RGS5: variants seen among roughly 807,000 people sequenced by gnomAD.
RGS5 encodes regulator of G-protein signalling 5.
A neutral mutation model predicts 18.9 loss-of-function variants in RGS5; 20 were observed. That is an observed-to-expected ratio of 1.06 (90% CI 0.74 to 1.54). The LOEUF is 1.54. Ranked by LOEUF, RGS5 falls within the 40% of genes most tolerant of loss-of-function variation. The probability of loss-of-function intolerance (pLI) is 0.00; values close to 1 mark genes in which losing one functional copy is unlikely to be tolerated. For synonymous variants in RGS5, 57 were observed against 76.2 expected, an observed-to-expected ratio of 0.75 and a Z score of 1.31; for missense variants, 201 against 211.8, an observed-to-expected ratio of 0.95 and a Z score of 0.32.
chr1:163,215,261 G>T (rs1199060529), intron 1 of RGS5, among the ~76,000 whole-genome samples: 1 of 152,146 alleles, frequency 6.6e-6, no homozygotes, highest in East Asian at 1.9e-4. Flanking sequence ...TATAATGGTA[G>T]AAAGCAAGTG....
intron 2 of RGS5, among the ~76,000 whole-genome samples, chr1:163,226,333 T>C (rs1344640376): frequency 6.6e-6 from 1 of 152,160 alleles, no homozygotes; most frequent in Non-Finnish European, 1.5e-5. Context: ...AAACATAAAA[T>C]TATCACTAGG....
chr1:163,168,313 C>A lies in RGS5; in HGVS notation c.100G>T (p.Gly34Cys), dbSNP rs1300065405. The A allele has an allele frequency of 1.2e-6, 2 of 1,613,854 alleles. No individual in the cohort carries two copies. The highest frequency in any genetic ancestry group is 1.7e-6 in the Non-Finnish European group (2 of 1,179,830). Residue 34 changes from glycine (G) to cysteine (C), a missense_variant, in exon 2 of 5, where the codon GGT becomes TGT. Gly to Cys is a radical substitution (Grantham distance 159). Transcript: ENST00000313961. ...GILLQKPDSV[G>C]DLVIPYNEKP... Reference sequence around the variant, plus strand: ...TCATTGTACGGAATGACAAGGTCACCAACTGAGTCTGGCTTCTGGAGGAGA... The same window carrying A: ...TCATTGTACGGAATGACAAGGTCACAAACTGAGTCTGGCTTCTGGAGGAGA...
chr1:163,253,858 T>A (rs914800687), intron 2 of RGS5, among the ~76,000 whole-genome samples: 2 of 149,574 alleles, frequency 1.3e-5, no homozygotes, highest in African/African-American at 4.9e-5. Flanking sequence ...TGTCCATGTG[T>A]TCTCATTGTT....
rs1649355417 is a variant in RGS5 at position 163,293,864 on chromosome 1, A to G, written c.-281+12369T>C. ...CAAAGGGGCCACAGGCACTTTGTTT[A>G]TAAGTCTGAAACCTGGCAGGGCACT... On this transcript the variant is annotated intron_variant, in intron 2 of 5. Transcript: ENST00000618415. Among the ~76,000 whole-genome samples, 3 of 152,208 alleles carry G rather than the reference A, an allele frequency of 2.0e-5. No homozygotes were observed. In the South Asian group the frequency reaches 6.2e-4, roughly 32 times the overall value.
chr1:163,223,401 T>G (rs974255475), intron 2 of RGS5, among the ~76,000 whole-genome samples: 1 of 151,500 alleles, frequency 6.6e-6, no homozygotes, highest in Non-Finnish European at 1.5e-5. Flanking sequence ...CTGTTAAGGA[T>G]GCTGCTGCTC....
At chr1:163,319,538 C>G (rs1457415781) in intron 1 of RGS5, among the ~76,000 whole-genome samples, 1 of 152,098 alleles carries the variant, frequency 6.6e-6, no homozygotes, top group Non-Finnish European at 1.5e-5. Context: ...AGGGAAAGAG[C>G]TGAAGATGGA....
At chr1:163,303,064 AAT>A (rs1649592800) in intron 2 of RGS5, among the ~76,000 whole-genome samples, 1 of 152,240 alleles carries the variant, frequency 6.6e-6, no homozygotes, top group Non-Finnish European at 1.5e-5. Flanking sequence ...TAGATGTAAG[AAT>A]GCTAGATTTT....
rs574153245 is a variant in RGS5, at chr1:163,241,722, T to A, written c.-281+64511A>T. On this transcript the variant is annotated intron_variant, in intron 2 of 5. Coordinates refer to the RGS5 transcript ENST00000618415. ...TTGGTATGGCCATTCCATTCTTAAATGTTTAGTTTAAGATAGAGAACAGTG... is the reference window on the plus strand; with the variant it reads ...TTGGTATGGCCATTCCATTCTTAAAAGTTTAGTTTAAGATAGAGAACAGTG... Among the ~76,000 whole-genome samples, 66 of 152,336 alleles carry A rather than the reference T, an allele frequency of 4.3e-4. 1 individual carries two copies. The highest frequency in any genetic ancestry group is 1.6e-3 in the African/African-American group (65 of 41,576).
At chr1:163,283,347 T>C (rs1045686762) in intron 2 of RGS5, among the ~76,000 whole-genome samples, 7 of 152,196 alleles carry the variant, frequency 4.6e-5, no homozygotes, top group Middle Eastern at 3.2e-3. Context: ...AATATACTAA[T>C]TATCCTGATT....
intron 2 of RGS5, among the ~76,000 whole-genome samples, chr1:163,291,415 A>G (rs550035709): frequency 6.6e-6 from 1 of 152,256 alleles, no homozygotes. Flanking sequence ...CTTACCCCAA[A>G]CTCAACCACC....
intron 1 of RGS5, among the ~76,000 whole-genome samples, chr1:163,192,334 C>T (rs1480336775): frequency 6.6e-6 from 1 of 152,030 alleles, no homozygotes; most frequent in Non-Finnish European, 1.5e-5. Flanking sequence ...AATTGTAGAA[C>T]ACACCCTTGG....
chr1:163,153,489 C>T (rs930541673), intron 3 of RGS5, among the ~76,000 whole-genome samples: 6 of 152,022 alleles, frequency 3.9e-5, no homozygotes, highest in African/African-American at 9.7e-5. Flanking sequence ...CCCCATGTAG[C>T]GTACTTACCA....
At chr1:163,180,785 C>A (rs945057413) in intron 1 of RGS5, among the ~76,000 whole-genome samples, 4 of 148,074 alleles carry the variant, frequency 2.7e-5, no homozygotes, top group African/African-American at 1.0e-4. Context: ...AGCTGCGCCT[C>A]CCGGGTTCAC....
At chr1:163,250,329 C>T (rs1475569322) in intron 2 of RGS5, among the ~76,000 whole-genome samples, 2 of 152,324 alleles carry the variant, frequency 1.3e-5, no homozygotes, top group East Asian at 3.9e-4. Flanking sequence ...ATGTAAAGAA[C>T]ATCTGTATTT....
chr1:163,238,722 T>C, intron 2 of RGS5: 1 of 258,058 alleles, frequency 3.9e-6, no homozygotes, highest in Admixed American at 4.2e-5. Context: ...ATGATCTTGA[T>C]GTGGCTCCTT....
intron 1 of RGS5, among the ~76,000 whole-genome samples, chr1:163,194,451 GA>G (rs1328646783): frequency 1.2e-4 from 18 of 152,258 alleles, no homozygotes; most frequent in Non-Finnish European, 1.5e-4. Context: ...GTTGGAGCTG[GA>G]AGGAGTATAA....
intron 2 of RGS5, among the ~76,000 whole-genome samples, chr1:163,269,492 A>G (rs1315709372): frequency 1.3e-5 from 2 of 152,174 alleles, no homozygotes; most frequent in South Asian, 2.1e-4. Context: ...ACAATCAAAG[A>G]AAGTTCTATG....
chr1:163,239,760 T>C (rs949976869), intron 2 of RGS5, among the ~76,000 whole-genome samples: 4 of 152,210 alleles, frequency 2.6e-5, no homozygotes, highest in African/African-American at 9.7e-5. Context: ...GAAACAGTTA[T>C]TTTGAAATAG....
rs1436804182 is a variant in RGS5, at chr1:163,147,925, T to TTCTTTTTTC, written c.385-423_385-422insGAAAAAAGA. On this transcript the variant is annotated intron_variant, in intron 4 of 4. Transcript: ENST00000313961. The stretch of plus-strand genomic sequence containing the variant: ...TGGTGCTTTTTTCTTTTTCTTTTTT[T>TTCTTTTTTC]TTTTTTTTTTTTTTTGTTGGATAGA... 3.7e-5 allele frequency among the ~76,000 whole-genome samples: 5 copies of TTCTTTTTTC among 134,160 alleles called. 1 individual carries two copies. Among genetic ancestry groups the TTCTTTTTTC allele is most frequent in the Non-Finnish European group, 7.9e-5 (5 of 63,312 alleles). 88.0% of individuals were successfully genotyped at this position (134,160 alleles called of 152,430 possible).
Sources: gnomAD v4.1 joint callset for allele counts (sites outside exome capture counted in the v4.1 genomes callset) on GRCh38, gnomAD v4.1.1 for gene constraint, MANE v1.5 for transcripts, NCBI Gene and HGNC (gene_info 2026-07-23, HGNC 2026-07-21) for gene names.